Variants in PREB observed in about 807,000 individuals in gnomAD.
PREB encodes the protein prolactin regulatory element binding, also known as guanine nucleotide-exchange factor SEC12.
In PREB, 29 loss-of-function variants were observed where a neutral mutation model predicts 46.7. The ratio of observed to expected loss-of-function variants is 0.62; its 90% CI spans 0.46 to 0.85. The LOEUF is 0.85. Among genes scored for constraint, PREB ranks in the 40% least tolerant of loss-of-function variants. The probability of loss-of-function intolerance (pLI) is 0.00; values close to 1 mark genes in which losing one functional copy is unlikely to be tolerated. For missense variants in PREB, 494 were observed against 528.4 expected (o/e 0.93, Z 0.64); for synonymous variants, 224 against 220.1 (o/e 1.02, Z -0.16).
rs768670860 is a variant in PREB, at chr2:27,131,759, C to G, written c.1072G>C (p.Gly358Arg). ...TCATGGGACCCAAGGAGCTCTGGACCACGACCCTTCTCAGGTAGAAAGGCC... is the reference window on the plus strand; with the variant it reads ...TCATGGGACCCAAGGAGCTCTGGACGACGACCCTTCTCAGGTAGAAAGGCC... ...DVAFLPEKGRGPELLGSHETA... is the reference protein window; with the variant it reads ...DVAFLPEKGRRPELLGSHETA... The change falls in exon 8 of 9, where the codon GGT (glycine) becomes CGT (arginine). Residue 358 changes from glycine to arginine, a missense_variant. Coordinates refer to ENST00000260643, the MANE Select transcript of PREB (RefSeq NM_013388.6). 6.2e-7 allele frequency: 1 copy of G among 1,614,082 alleles called. No homozygotes were observed. Among genetic ancestry groups the G allele is most frequent in the Non-Finnish European group, 8.5e-7 (1 of 1,179,956 alleles).
In PREB at chr2:27,132,293, G is replaced by C; in HGVS notation, c.863C>G (p.Ser288Cys). Residue 288 changes from serine to cysteine, a missense_variant, in exon 6 of 9, where the codon TCC becomes TGC. Transcript: ENST00000260643. This position sits in a 1 kb window ranked among gnomAD's most constrained non-coding sequence, Gnocchi z 4.0. ...PPCYLTAWDG[S>C]NFLPLRTKSC... ...CTTGGTCCGAAGGGGCAAGAAGTTG[G>C]AGCCATCCCAGGCTGTGAGGTAGCA... is the stretch of plus-strand genomic sequence containing the variant. 1.2e-6 allele frequency: 2 copies of C among 1,614,198 alleles called. No homozygotes were observed. Among genetic ancestry groups the C allele is most frequent in the Non-Finnish European group, 1.7e-6 (2 of 1,180,018 alleles).
rs1160541601 is a variant in PREB, at chr2:27,132,883, T to C, written c.587A>G (p.Glu196Gly). 4 of 1,613,874 alleles carry C rather than the reference T, an allele frequency of 2.5e-6. No homozygotes were observed. The highest frequency in any genetic ancestry group is 3.4e-6 in the Non-Finnish European group (4 of 1,180,004). ...LEKVLEFKAH[E>G]GEIEDLALGP... ...TAAAGCCAGGTCTTCAATCTCCCCT[T>C]CGTGGGCTTTGAACTCCAGAACCTT... Residue 196 changes from glutamate to glycine, a missense_variant, in exon 4 of 9, where the codon GAA (glutamate) becomes GGA (glycine). Coordinates refer to ENST00000260643, the MANE Select transcript of PREB (RefSeq NM_013388.6). This position sits in a 1 kb window ranked among gnomAD's most constrained non-coding sequence, Gnocchi z 4.0.
At position 27,132,012 on chromosome 2, in the gene PREB, G is replaced by A. The variant is rs750194748; in HGVS notation, c.997C>T (p.Gln333Ter). ...SVAIYIAFSL[Q>*]CLYYVREAHG... ...CCATGCCAACCTCCACCCATTACCT[G>A]GAGAGAGAAAGCTATGTAGATGGCA... The change falls in exon 7 of 9, where the codon CAG becomes TAG. Residue 333 changes from glutamine (Q) to a stop codon, truncating the protein, a stop_gained and splice_region_variant. Transcript: ENST00000260643. LOFTEE classifies it high-confidence loss of function. The surrounding 1 kb of genome is among the most constrained non-coding windows in gnomAD (Gnocchi z 4.0). The A allele has an allele frequency of 6.2e-7, 1 of 1,613,844 alleles. No individual in the cohort carries two copies. The highest frequency in any genetic ancestry group is 8.5e-7 in the Non-Finnish European group (1 of 1,179,716).
Position 27,132,701 on chromosome 2 carries a change from C to T in PREB, c.654G>A (p.Lys218=). 5 of 1,614,158 alleles carry T rather than the reference C, an allele frequency of 3.1e-6. No individual in the cohort carries two copies. The highest frequency in any genetic ancestry group is 3.4e-6 in the Non-Finnish European group (4 of 1,180,022). The change falls in exon 5 of 9, where the codon AAG becomes AAA. Residue 218 remains lysine (K), a synonymous_variant. Coordinates refer to ENST00000260643, the MANE Select transcript of PREB (RefSeq NM_013388.6). The surrounding 1 kb of genome is among the most constrained non-coding windows in gnomAD (Gnocchi z 4.0). Reference sequence around the variant, plus strand: ...GCTGATCCTTCTGCCACACAGAGGCCTTAAGGTCCCGGCCCACGGTTACCA... The same window carrying T: ...GCTGATCCTTCTGCCACACAGAGGCTTTAAGGTCCCGGCCCACGGTTACCA... ...GKLVTVGRDL[K]ASVWQKDQLV...
At chr2:27,133,499 T>A (rs370284852) in intron 2 of PREB, 33 bp downstream of exon 2, 1 of 1,605,236 alleles carries the variant, frequency 6.2e-7, no homozygotes, top group Non-Finnish European at 8.5e-7. Context: ...CGTTCAACCC[T>A]TTCCCCAAGG....
In PREB at chr2:27,133,000, T is replaced by C; in HGVS notation, c.547-77A>G. ...TGACTGATGCCCACGCCACCCCTTCTAATGGCCCCTCAATGCAAGCTTCAT... is the reference window on the plus strand; with the variant it reads ...TGACTGATGCCCACGCCACCCCTTCCAATGGCCCCTCAATGCAAGCTTCAT... On this transcript the variant is annotated intron_variant, in intron 3 of 8. Coordinates refer to ENST00000260643, the MANE Select transcript of PREB (RefSeq NM_013388.6). The surrounding 1 kb of genome is among the most constrained non-coding windows in gnomAD (Gnocchi z 4.0). 6.3e-7 allele frequency: 1 copy of C among 1,578,304 alleles called. No homozygotes were observed. The highest frequency in any genetic ancestry group is 1.1e-5 in the South Asian group (1 of 90,180).
rs199826571 is a variant in PREB at position 27,131,672 on chromosome 2, G to A, written c.1159C>T (p.Arg387Trp). Reference protein sequence around the residue: ...RCQLHLLPSRRSVPVWLLLLL... With the variant: ...RCQLHLLPSRWSVPVWLLLLL... The stretch of plus-strand genomic sequence containing the variant: ...TGCCTGCCCTGCCCCAATGACTCAC[G>A]CCGTGAGGGCAACAGATGCAGCTGG... The change falls in exon 8 of 9, where the codon CGG becomes TGG. Residue 387 changes from arginine to tryptophan, a missense_variant and splice_region_variant. Transcript: ENST00000260643. 8.4e-5 allele frequency: 136 copies of A among 1,613,856 alleles called. No individual in the cohort carries two copies. In the East Asian group the frequency reaches 2.3e-3, roughly 27 times the overall value.
chr2:27,132,694 C>A lies in PREB; in HGVS notation c.661G>T (p.Val221Leu). The change falls in exon 5 of 9, where the codon GTG becomes TTG. Residue 221 changes from valine (V) to leucine (L), a missense_variant. Physicochemically the swap from Val to Leu is conservative, Grantham distance 32. Coordinates refer to ENST00000260643, the MANE Select transcript of PREB (RefSeq NM_013388.6). This position sits in a 1 kb window ranked among gnomAD's most constrained non-coding sequence, Gnocchi z 4.0. ...VTVGRDLKAS[V>L]WQKDQLVTQL... ...GTCACCAGCTGATCCTTCTGCCACA[C>A]AGAGGCCTTAAGGTCCCGGCCCACG... 7.4e-6 allele frequency: 12 copies of A among 1,614,178 alleles called. No homozygotes were observed. The highest frequency in any genetic ancestry group is 1.0e-5 in the Non-Finnish European group (12 of 1,180,014).
At chr2:27,133,938 G>A in intron 1 of PREB, 1 of 624,512 alleles carries the variant, frequency 1.6e-6, no homozygotes, top group Non-Finnish European at 2.7e-6. Flanking sequence ...TCAGGAGAGG[G>A]AAGGAACTTA....
chr2:27,131,806 T>C lies in PREB; in HGVS notation c.1025A>G (p.His342Arg). The C allele has an allele frequency of 1.9e-6, 3 of 1,614,124 alleles. No individual in the cohort carries two copies. Among genetic ancestry groups the C allele is most frequent in the Non-Finnish European group, 2.5e-6 (3 of 1,180,004 alleles). Reference protein sequence around the residue: ...LQCLYYVREAHGIVVTDVAFL... With the variant: ...LQCLYYVREARGIVVTDVAFL... ...GGCCACATCCGTCACCACAATGCCA[T>C]GGGCCTCCCTCACGTAGTAGAGGCA... Residue 342 changes from histidine to arginine, a missense_variant, in exon 8 of 9, where the codon CAT (histidine) becomes CGT (arginine). Coordinates refer to ENST00000260643, the MANE Select transcript of PREB (RefSeq NM_013388.6).
chr2:27,130,888 T>A lies in PREB; in HGVS notation c.*526A>T. On this transcript the variant is annotated 3_prime_UTR_variant, in exon 9 of 9. Transcript: ENST00000260643. Reference sequence around the variant, plus strand: ...GAACTTATTGCATCTTTAGGCCAGCTGGCTTAGTGCTACCCATCTGAACCC... The same window carrying A: ...GAACTTATTGCATCTTTAGGCCAGCAGGCTTAGTGCTACCCATCTGAACCC... 1 of 969,482 alleles carries A rather than the reference T, an allele frequency of 1.0e-6. No homozygotes were observed. The highest frequency in any genetic ancestry group is 1.5e-6 in the Non-Finnish European group (1 of 658,372). 60.1% of individuals were successfully genotyped at this position (969,482 alleles called of 1,614,324 possible). A position where few individuals can be genotyped will look rare whatever the true frequency, so the allele number is the denominator to read the frequency against.
rs1448811803 is a variant in PREB, at chr2:27,131,468, C to A, written c.1200G>T (p.Gly400=). Residue 400 remains glycine, a synonymous_variant, in exon 9 of 9, where the codon GGG becomes GGT. Coordinates refer to ENST00000260643, the MANE Select transcript of PREB (RefSeq NM_013388.6). ...PVWLLLLLCV[G]LIIVTILLLQ... ...GCAGCAGGATGGTCACAATAATAAGCCCGACACACAGCAGGAGCAGGAGCC... is the reference window on the plus strand; with the variant it reads ...GCAGCAGGATGGTCACAATAATAAGACCGACACACAGCAGGAGCAGGAGCC... The A allele has an allele frequency of 1.3e-6, 2 of 1,576,706 alleles. No homozygotes were observed. Among genetic ancestry groups the A allele is most frequent in the Non-Finnish European group, 1.7e-6 (2 of 1,160,738 alleles).
chr2:27,134,127 T>G (rs1672400691), intron 1 of PREB, 160 bp downstream of exon 1: 2 of 980,474 alleles, frequency 2.0e-6, no homozygotes, highest in East Asian at 2.8e-5. Context: ...CGCTGAGTTC[T>G]CGACTGAAAT....
intron 1 of PREB, chr2:27,133,986 G>C: frequency 1.7e-6 from 1 of 604,562 alleles, no homozygotes; most frequent in Non-Finnish European, 2.9e-6. Context: ...CGCTGCTAGA[G>C]GGCAGGCAAG....
intron 1 of PREB, 195 bp downstream of exon 1, chr2:27,134,092 T>C: frequency 1.3e-6 from 1 of 773,382 alleles, no homozygotes; most frequent in South Asian, 1.9e-5. Context: ...AGTTTTCACT[T>C]TACCTTAAAA....
intron 1 of PREB, 78 bp from the exon 2 acceptor site, chr2:27,133,799 C>G: frequency 2.8e-6 from 4 of 1,432,188 alleles, no homozygotes; most frequent in Non-Finnish European, 3.8e-6. Flanking sequence ...GATGTCTTAC[C>G]CCTTTGCTTT....
In PREB at chr2:27,132,793, A is replaced by G. The variant is rs1672336071; in HGVS notation, c.627+50T>C. 6.8e-6 allele frequency: 11 copies of G among 1,613,206 alleles called. No homozygotes were observed. Among genetic ancestry groups the G allele is most frequent in the Non-Finnish European group, 9.3e-6 (11 of 1,179,358 alleles). Reference sequence around the variant, plus strand: ...ATCCACTTACTGGGCAAGCAGCATAAGCACCTCCTCTCTCCTTTCTCCATC... The same window carrying G: ...ATCCACTTACTGGGCAAGCAGCATAGGCACCTCCTCTCTCCTTTCTCCATC... On this transcript the variant is annotated intron_variant, in intron 4 of 8. Coordinates refer to ENST00000260643, the MANE Select transcript of PREB (RefSeq NM_013388.6). The surrounding 1 kb of genome is among the most constrained non-coding windows in gnomAD (Gnocchi z 4.0).
intron 1 of PREB, 143 bp from the exon 2 acceptor site, chr2:27,133,864 T>A: frequency 5.7e-6 from 4 of 706,890 alleles, no homozygotes; most frequent in Non-Finnish European, 8.8e-6. Flanking sequence ...CATTTGGGCC[T>A]CACAAATCTA....
Position 27,132,071 on chromosome 2 carries a change from G to A in PREB, c.938C>T (p.Thr313Ile), listed in dbSNP as rs866443001. The change falls in exon 7 of 9, where the codon ACC becomes ATC. Residue 313 changes from threonine to isoleucine, a missense_variant. Physicochemically the swap from Thr to Ile is moderately conservative, Grantham distance 89 (BLOSUM62 -1). Transcript: ENST00000260643. This position sits in a 1 kb window ranked among gnomAD's most constrained non-coding sequence, Gnocchi z 4.0. ...AGTGACTGTGCCCAGGCCTAGGAAGGTGCCGGATTCACTGCAACAAACAAT... is the reference window on the plus strand; with the variant it reads ...AGTGACTGTGCCCAGGCCTAGGAAGATGCCGGATTCACTGCAACAAACAAT... ...VSCLDVSESG[T>I]FLGLGTVTGS... The A allele has an allele frequency of 1.9e-6, 3 of 1,614,116 alleles. No homozygotes were observed. The highest frequency in any genetic ancestry group is 2.5e-6 in the Non-Finnish European group (3 of 1,179,972).
Sources: gnomAD v4.1 joint callset for allele counts on GRCh38, gnomAD v4.1.1 for gene constraint, Gnocchi (gnomAD v3.1) non-coding constraint, MANE v1.5 for transcripts, NCBI Gene and HGNC (gene_info 2026-07-23, HGNC 2026-07-21) for gene names.